Variants in KAT6B observed in about 807,000 individuals in gnomAD.
The protein encoded by KAT6B is histone acetyltransferase KAT6B.
Under a neutral mutation model 187.5 loss-of-function variants are expected in KAT6B, and 10 were observed. The observed-to-expected ratio is 0.05, with a 90% CI of 0.03 to 0.09. KAT6B has a LOEUF of 0.09. Ranked by LOEUF, KAT6B falls within the 10% of genes least tolerant of loss-of-function variation. KAT6B has a pLI of 1.00. For missense variants in KAT6B, 1,952 were observed against 2,558.9 expected, an observed-to-expected ratio of 0.76 and a Z score of 5.12; for synonymous variants, 861 against 926.8, an observed-to-expected ratio of 0.93 and a Z score of 1.29.
intron 1 of KAT6B, among the ~76,000 whole-genome samples, chr10:74,828,718 C>CCACCA (rs898066004): frequency 6.6e-6 from 1 of 151,814 alleles, no homozygotes. Context: ...CAGGCGCCTG[C>CCACCA]CACCACGCCC....
chr10:74,914,935 A>C (rs1051105928), intron 3 of KAT6B, among the ~76,000 whole-genome samples: 3 of 152,006 alleles, frequency 2.0e-5, no homozygotes, highest in African/African-American at 7.2e-5. Flanking sequence ...TTAAAATAAA[A>C]AATAAAAAAA....
chr10:74,881,984 T>C (rs1844884971), intron 3 of KAT6B, among the ~76,000 whole-genome samples: 1 of 152,160 alleles, frequency 6.6e-6, no homozygotes, highest in African/African-American at 2.4e-5. Context: ...CACCAGAGGC[T>C]TCCTTCCGAG....
In KAT6B at chr10:74,842,801, A is replaced by G; in HGVS notation, c.-57A>G. 1 of 1,595,466 alleles carries G rather than the reference A, an allele frequency of 6.3e-7. No homozygotes were observed. On this transcript the variant is annotated 5_prime_UTR_variant, in exon 3 of 18. The change abolishes the stop of an existing upstream ORF in the 5' untranslated region. Coordinates refer to ENST00000287239, the MANE Select transcript of KAT6B (RefSeq NM_012330.4). ...GACTTTCAAATGTGCAAGTTCTGTT[A>G]AATACAAAGAGAACCTCTATGGGTA...
intron 4 of KAT6B, among the ~76,000 whole-genome samples, chr10:74,966,838 C>T (rs1196860047): frequency 6.6e-6 from 1 of 151,574 alleles, no homozygotes; most frequent in Non-Finnish European, 1.5e-5. Context: ...CCAGCCTGGC[C>T]AACATGGCAA....
At chr10:74,956,241 T>C (rs1418076468) in intron 3 of KAT6B, among the ~76,000 whole-genome samples, 1 of 152,200 alleles carries the variant, frequency 6.6e-6, no homozygotes, top group South Asian at 2.1e-4. Context: ...TTCTTTATGA[T>C]TGGACTCAGG....
chr10:74,986,348 T>G (rs1484261300), intron 12 of KAT6B, among the ~76,000 whole-genome samples: 2 of 152,216 alleles, frequency 1.3e-5, no homozygotes, highest in Non-Finnish European at 2.9e-5. Flanking sequence ...TATGAGACTT[T>G]TAGATAGAAG....
intron 6 of KAT6B, among the ~76,000 whole-genome samples, chr10:74,971,491 C>T (rs1221210416): frequency 6.6e-6 from 1 of 151,760 alleles, no homozygotes; most frequent in Non-Finnish European, 1.5e-5. Context: ...AAAATTTTAC[C>T]AGTTTGATAA....
chr10:75,014,987 T>G (rs1437260357), intron 13 of KAT6B, among the ~76,000 whole-genome samples: 1 of 152,142 alleles, frequency 6.6e-6, no homozygotes, highest in Non-Finnish European at 1.5e-5. Flanking sequence ...TAGTGGTGGT[T>G]TTCAAACTCG....
In KAT6B at chr10:74,835,772, T is replaced by G. The variant is rs574852996; in HGVS notation, c.-328-2911T>G. ...TGTCAGGAAATGGTTGGTATTATTA[T>G]TATTATTATAGTTTAGTGCTTTGTT... On this transcript the variant is annotated intron_variant, in intron 1 of 17. Transcript: ENST00000287239. Among the ~76,000 whole-genome samples, 4 of 152,344 alleles carry G rather than the reference T, an allele frequency of 2.6e-5. No homozygotes were observed. The East Asian group carries it at 7.7e-4, about 29-fold the overall frequency.
Position 74,917,682 on chromosome 10 carries a change from G to A in KAT6B, c.622-42288G>A, listed in dbSNP as rs578203451. On this transcript the variant is annotated intron_variant, in intron 3 of 17. Transcript: ENST00000287239. ...CTTTGTACTATCTCCCTAGAGAAGA[G>A]AGAGTTGCTGACTCACTGAATAACA... Among the ~76,000 whole-genome samples, 6 of 152,360 alleles carry A rather than the reference G, an allele frequency of 3.9e-5. No individual in the cohort carries two copies. The South Asian group carries it at 1.0e-3, about 26-fold the overall frequency.
chr10:74,854,878 G>A (rs975231383), intron 3 of KAT6B, among the ~76,000 whole-genome samples: 2 of 152,260 alleles, frequency 1.3e-5, no homozygotes, highest in Admixed American at 1.3e-4. Context: ...CTCGACAGGC[G>A]TTACAGAAGA....
chr10:74,979,019 G>A (rs1842340392), intron 9 of KAT6B, among the ~76,000 whole-genome samples: 4 of 151,990 alleles, frequency 2.6e-5, no homozygotes, highest in Admixed American at 2.6e-4. Flanking sequence ...AGTAATTGTG[G>A]TTTTTGCCAT....
intron 3 of KAT6B, among the ~76,000 whole-genome samples, chr10:74,887,817 G>T (rs1845386799): frequency 6.6e-6 from 1 of 152,048 alleles, no homozygotes; most frequent in Admixed American, 6.6e-5. Context: ...GACCAGCCTG[G>T]GCAACATAGC....
intron 1 of KAT6B, among the ~76,000 whole-genome samples, chr10:74,835,763 G>GTAT (rs375868472): frequency 1.6e-3 from 242 of 151,708 alleles, no homozygotes; most frequent in African/African-American, 4.4e-3. Flanking sequence ...GAAATGGTTG[G>GTAT]TATTATTATT....
intron 3 of KAT6B, among the ~76,000 whole-genome samples, chr10:74,900,485 C>T (rs1589580714): frequency 6.6e-6 from 1 of 152,306 alleles, no homozygotes; most frequent in East Asian, 1.9e-4. Flanking sequence ...AAAATGGCTG[C>T]CCATACCTTC....
At chr10:74,918,177 C>A (rs1010743741) in intron 3 of KAT6B, among the ~76,000 whole-genome samples, 50 of 152,090 alleles carry the variant, frequency 3.3e-4, no homozygotes, top group Admixed American at 3.2e-3. Flanking sequence ...CATTTAAATT[C>A]TGTTAATAAA....
chr10:74,950,018 C>CG (rs1354534159), intron 3 of KAT6B, among the ~76,000 whole-genome samples: 1 of 151,896 alleles, frequency 6.6e-6, no homozygotes, highest in African/African-American at 2.4e-5. Flanking sequence ...CCACAGAGCT[C>CG]GGGGGGATGA....
At position 75,030,486 on chromosome 10, in the gene KAT6B, C is replaced by G. The variant is rs372648542; in HGVS notation, c.5662C>G (p.Pro1888Ala). The G allele has an allele frequency of 6.2e-7, 1 of 1,612,180 alleles. No homozygotes were observed. Among genetic ancestry groups the G allele is most frequent in the African/African-American group, 1.3e-5 (1 of 74,884 alleles). Residue 1888 changes from proline to alanine, a missense_variant, in exon 18 of 18, where the codon CCA becomes GCA. Coordinates refer to ENST00000287239, the MANE Select transcript of KAT6B (RefSeq NM_012330.4). The surrounding 1 kb of genome is among the most constrained non-coding windows in gnomAD (Gnocchi z 4.8). ...MTPPPNLTPPPMNLPPPLLQR... is the reference protein window; with the variant it reads ...MTPPPNLTPPAMNLPPPLLQR... Reference sequence around the variant, plus strand: ...CCCACCCCCCAACCTGACTCCTCCTCCAATGAATCTGCCGCCGCCTCTTTT... The same window carrying G: ...CCCACCCCCCAACCTGACTCCTCCTGCAATGAATCTGCCGCCGCCTCTTTT...
At chr10:74,895,969 T>G (rs1458141394) in intron 3 of KAT6B, among the ~76,000 whole-genome samples, 1 of 152,102 alleles carries the variant, frequency 6.6e-6, no homozygotes, top group Non-Finnish European at 1.5e-5. Context: ...TGTTTTTTTT[T>G]GCCTGAAATA....
Sources: gnomAD v4.1 joint callset for allele counts (sites outside exome capture counted in the v4.1 genomes callset) on GRCh38, gnomAD v4.1.1 for gene constraint, Gnocchi (gnomAD v3.1) non-coding constraint, MANE v1.5 for transcripts, NCBI Gene and HGNC (gene_info 2026-07-23, HGNC 2026-07-21) for gene names.